KCNMA1: variants seen among roughly 807,000 people sequenced by gnomAD.
KCNMA1 encodes potassium calcium-activated channel subfamily M alpha 1.
In KCNMA1, 29 loss-of-function variants were observed where a neutral mutation model predicts 140.0. The ratio of observed to expected loss-of-function variants is 0.21; its 90% CI spans 0.15 to 0.28. The LOEUF is 0.28. KCNMA1 is among the 10% of genes least tolerant of loss of function. The probability of loss-of-function intolerance (pLI) is 1.00; values close to 1 mark genes in which losing one functional copy is unlikely to be tolerated. For missense variants in KCNMA1, 880 were observed against 1,602.2 expected (o/e 0.55, Z 7.70); for synonymous variants, 612 against 611.9 (o/e 1.00, Z 0.00).
intron 9 of KCNMA1, among the ~76,000 whole-genome samples, chr10:77,094,191 C>T (rs997196575): frequency 6.6e-6 from 1 of 152,156 alleles, no homozygotes; most frequent in African/African-American, 2.4e-5. Flanking sequence ...AATCCTTCAA[C>T]AACCCTGTGT....
At chr10:77,083,814 G>A (rs1341538246) in intron 12 of KCNMA1, among the ~76,000 whole-genome samples, 12 of 135,852 alleles carry the variant, frequency 8.8e-5, no homozygotes, top group African/African-American at 3.2e-4. Flanking sequence ...CAGCCTGGGC[G>A]ATAGTGCGAG....
At chr10:77,030,044 C>G (rs921663344) in intron 15 of KCNMA1, among the ~76,000 whole-genome samples, 2 of 152,150 alleles carry the variant, frequency 1.3e-5, no homozygotes, top group Non-Finnish European at 2.9e-5. Context: ...CTGCTGAAGG[C>G]CTCATGCTCT....
At chr10:77,563,402 C>T (rs577737911) in intron 1 of KCNMA1, among the ~76,000 whole-genome samples, 4 of 152,174 alleles carry the variant, frequency 2.6e-5, no homozygotes, top group Admixed American at 6.5e-5. Flanking sequence ...TAAGGCAACC[C>T]GTCCTCATCA....
At chr10:77,282,159 C>T (rs2068846414) in intron 2 of KCNMA1, among the ~76,000 whole-genome samples, 1 of 152,182 alleles carries the variant, frequency 6.6e-6, no homozygotes, top group Non-Finnish European at 1.5e-5. Flanking sequence ...TTCCTCCCAT[C>T]CCTTAGATCC....
intron 1 of KCNMA1, among the ~76,000 whole-genome samples, chr10:77,480,107 C>T (rs978562975): frequency 1.3e-5 from 2 of 152,256 alleles, no homozygotes; most frequent in African/African-American, 4.8e-5. Context: ...GGACTCTTGA[C>T]CCCACCAAAT....
intron 2 of KCNMA1, among the ~76,000 whole-genome samples, chr10:77,382,990 GTGTGTATATATATA>G (rs1365199151): frequency 4.7e-5 from 2 of 42,582 alleles, no homozygotes; most frequent in African/African-American, 3.5e-4. Flanking sequence ...GTGTGTGTGT[GTGTGTATATATATA>G]TATATATATA....
At chr10:76,969,935 C>T (rs771041583) in intron 20 of KCNMA1, 39 bp downstream of exon 20, 3 of 1,509,336 alleles carry the variant, frequency 2.0e-6, no homozygotes, top group African/African-American at 1.4e-5. Flanking sequence ...AAGAGAAGGG[C>T]TAAGAGGGAA....
intron 2 of KCNMA1, among the ~76,000 whole-genome samples, chr10:77,401,602 T>G (rs747822754): frequency 1.3e-5 from 2 of 152,258 alleles, no homozygotes; most frequent in Non-Finnish European, 2.9e-5. Context: ...TTTCTTCTCC[T>G]TTAACTCTCA....
chr10:77,145,636 A>G (rs1214274550), intron 5 of KCNMA1, among the ~76,000 whole-genome samples: 1 of 152,238 alleles, frequency 6.6e-6, no homozygotes, highest in African/African-American at 2.4e-5. Flanking sequence ...TGGTCAGAGA[A>G]AAAGGACACT....
intron 20 of KCNMA1, among the ~76,000 whole-genome samples, chr10:76,956,043 T>C (rs960729763): frequency 2.6e-5 from 4 of 152,168 alleles, no homozygotes; most frequent in African/African-American, 9.7e-5. Flanking sequence ...GTTCCCATAA[T>C]ATCAGCAAGC....
At chr10:77,390,863 T>C (rs1382733115) in intron 2 of KCNMA1, among the ~76,000 whole-genome samples, 2 of 152,086 alleles carry the variant, frequency 1.3e-5, no homozygotes, top group Non-Finnish European at 2.9e-5. Context: ...TCAGCCTCTG[T>C]TTCAAGCTAT....
chr10:77,122,684 A>G (rs2153955151), intron 5 of KCNMA1, among the ~76,000 whole-genome samples: 1 of 152,348 alleles, frequency 6.6e-6, no homozygotes, highest in South Asian at 2.1e-4. Context: ...AGGCCAGGAC[A>G]TAACAGAAAA....
chr10:77,541,958 G>C (rs1294039217), intron 1 of KCNMA1, among the ~76,000 whole-genome samples: 1 of 152,212 alleles, frequency 6.6e-6, no homozygotes, highest in Non-Finnish European at 1.5e-5. Flanking sequence ...TTGTGACAAA[G>C]AGAAATGAGA....
At chr10:77,444,024 C>G (rs893116309) in intron 1 of KCNMA1, among the ~76,000 whole-genome samples, 3 of 152,074 alleles carry the variant, frequency 2.0e-5, no homozygotes, top group Non-Finnish European at 4.4e-5. Flanking sequence ...TACATATGTA[C>G]ATTTATTATT....
intron 7 of KCNMA1, among the ~76,000 whole-genome samples, chr10:77,110,842 G>T (rs556743154): frequency 6.6e-6 from 1 of 152,276 alleles, no homozygotes; most frequent in Admixed American, 6.5e-5. Context: ...GTATATATGG[G>T]CCCTGCTTAT....
intron 1 of KCNMA1, among the ~76,000 whole-genome samples, chr10:77,620,008 T>C (rs2090898441): frequency 6.6e-6 from 1 of 152,118 alleles, no homozygotes; most frequent in African/African-American, 2.4e-5. Context: ...TCATCTCCGC[T>C]TTTCCCAGCA....
intron 19 of KCNMA1, among the ~76,000 whole-genome samples, chr10:76,975,010 G>A (rs1478738908): frequency 1.3e-5 from 2 of 152,066 alleles, no homozygotes; most frequent in Admixed American, 6.5e-5. Flanking sequence ...TCGAACTGCC[G>A]GCTTGGTCAG....
At chr10:76,932,594 G>A (rs1455057573) in intron 23 of KCNMA1, among the ~76,000 whole-genome samples, 1 of 152,144 alleles carries the variant, frequency 6.6e-6, no homozygotes, top group Non-Finnish European at 1.5e-5. Context: ...ATCCCTCGGT[G>A]TTTTGGGGTG....
intron 2 of KCNMA1, among the ~76,000 whole-genome samples, chr10:77,262,168 T>C (rs1451629603): frequency 6.6e-6 from 1 of 152,194 alleles, no homozygotes; most frequent in Non-Finnish European, 1.5e-5. Context: ...AAAGTGTCCA[T>C]GGACAGATGA....
Sources: gnomAD v4.1 joint callset for allele counts (sites outside exome capture counted in the v4.1 genomes callset) on GRCh38, gnomAD v4.1.1 for gene constraint, MANE v1.5 for transcripts, NCBI Gene and HGNC (gene_info 2026-07-23, HGNC 2026-07-21) for gene names.